The following PDZRN3 variants were observed in gnomAD, a reference collection of about 807,000 sequenced individuals.
The protein encoded by PDZRN3 is E3 ubiquitin-protein ligase PDZRN3.
A neutral mutation model predicts 85.7 loss-of-function variants in PDZRN3; 38 were observed. The observed-to-expected ratio is 0.44, with a 90% CI of 0.34 to 0.58. The LOEUF (loss-of-function observed/expected upper bound fraction) is 0.58, where lower values mean the gene tolerates loss of function less well. Ranked by LOEUF, PDZRN3 falls within the 20% of genes least tolerant of loss-of-function variation. The pLI is 0.01. For synonymous variants in PDZRN3, 759 were observed against 638.0 expected (o/e 1.19, Z -2.86); for missense variants, 1,629 against 1,506.4 (o/e 1.08, Z -1.35).
intron 3 of PDZRN3, among the ~76,000 whole-genome samples, chr3:73,483,851 A>G (rs895759872): frequency 1.3e-5 from 2 of 152,212 alleles, no homozygotes; most frequent in African/African-American, 4.8e-5. Flanking sequence ...TGTGTGAAAA[A>G]GGCTGTGAAG....
chr3:73,610,825 GA>G (rs1702673458), intron 1 of PDZRN3, among the ~76,000 whole-genome samples: 1 of 152,138 alleles, frequency 6.6e-6, no homozygotes, highest in Admixed American at 6.6e-5. Context: ...AAAAAAAGAA[GA>G]AGAAAATAAT....
chr3:73,624,117 G>A lies in PDZRN3; in HGVS notation c.709C>T (p.Pro237Ser). Residue 237 changes from proline to serine, a missense_variant, in exon 1 of 10, where the codon CCG (proline) becomes TCG (serine). Coordinates refer to ENST00000263666, the MANE Select transcript of PDZRN3 (RefSeq NM_015009.3). Reference sequence around the variant, plus strand: ...CAGGCGCCTACCTTGCCGCCGGGCGGCGCGGCCACGCAGCGGCTGAGCGAG... The same window carrying A: ...CAGGCGCCTACCTTGCCGCCGGGCGACGCGGCCACGCAGCGGCTGAGCGAG... ...LDSLSRCVAAPPGGKGEETKS... is the reference protein window; with the variant it reads ...LDSLSRCVAASPGGKGEETKS... 1 of 1,464,690 alleles carries A rather than the reference G, an allele frequency of 6.8e-7. No individual in the cohort carries two copies. The highest frequency in any genetic ancestry group is 9.0e-7 in the Non-Finnish European group (1 of 1,116,338). The allele number at this position is 1,464,690 out of a possible 1,614,324, so 90.7% of individuals were successfully genotyped here.
intron 3 of PDZRN3, among the ~76,000 whole-genome samples, chr3:73,415,955 G>C (rs1702072556): frequency 7.1e-6 from 1 of 141,572 alleles, no homozygotes; most frequent in Non-Finnish European, 1.5e-5. Flanking sequence ...CATTTGCCAA[G>C]AGAGTAGATT....
At chr3:73,437,894 C>A (rs1454871300) in intron 3 of PDZRN3, among the ~76,000 whole-genome samples, 1 of 152,100 alleles carries the variant, frequency 6.6e-6, no homozygotes, top group African/African-American at 2.4e-5. Flanking sequence ...ATCCCAGAGG[C>A]AGTGTAAGGG....
chr3:73,474,210 T>C (rs1703404605), intron 3 of PDZRN3, among the ~76,000 whole-genome samples: 1 of 152,188 alleles, frequency 6.6e-6, no homozygotes, highest in African/African-American at 2.4e-5. Flanking sequence ...TGCTATGGTT[T>C]TCACCAGCCT....
intron 3 of PDZRN3, among the ~76,000 whole-genome samples, chr3:73,416,891 T>TTTTTTTTTG (rs1702100060): frequency 7.2e-6 from 1 of 139,158 alleles, no homozygotes; most frequent in African/African-American, 2.8e-5. Flanking sequence ...TTTTTTTTTT[T>TTTTTTTTTG]TTTTTTTTTT....
chr3:73,541,399 A>G (rs1295341545), intron 3 of PDZRN3, among the ~76,000 whole-genome samples: 1 of 152,222 alleles, frequency 6.6e-6, no homozygotes, highest in Non-Finnish European at 1.5e-5. Context: ...TTCTTGATAC[A>G]TATTAATTCA....
At chr3:73,550,055 T>TA in intron 3 of PDZRN3, among the ~76,000 whole-genome samples, 1 of 152,334 alleles carries the variant, frequency 6.6e-6, no homozygotes, top group South Asian at 2.1e-4. Flanking sequence ...CATAATATTT[T>TA]AATATTTGTG....
intron 3 of PDZRN3, among the ~76,000 whole-genome samples, chr3:73,528,771 T>C (rs774613278): frequency 1.3e-4 from 20 of 152,158 alleles, no homozygotes; most frequent in Non-Finnish European, 2.8e-4. Context: ...AAAGAATTTC[T>C]TGTTGTACAC....
rs1702932540 is a variant in PDZRN3, at chr3:73,624,426, AGGCGTCGCGCATGTGCGCCTC to A, written c.379_399del (p.Glu127_Ala133del). 4.6e-6 allele frequency: 6 copies of A among 1,306,772 alleles called. No homozygotes were observed. In the East Asian group the frequency reaches 9.7e-5, roughly 21 times the overall value. The allele number at this position is 1,306,772 out of a possible 1,614,324, so 80.9% of individuals were successfully genotyped here. The stretch of plus-strand genomic sequence containing the variant: ...CAGCGGCCCACTGGCCGCGCGTCGC[AGGCGTCGCGCATGTGCGCCTC>A]CACGTCGCGCCGCAGCAGCACCTGG... On this transcript the variant is annotated inframe_deletion, in exon 1 of 10. Transcript: ENST00000263666.
chr3:73,610,784 C>A (rs768120442), intron 1 of PDZRN3, among the ~76,000 whole-genome samples: 57 of 152,104 alleles, frequency 3.7e-4, no homozygotes, highest in Non-Finnish European at 8.1e-4. Flanking sequence ...GATTGGTCTT[C>A]AATCTACTGT....
intron 3 of PDZRN3, among the ~76,000 whole-genome samples, chr3:73,476,178 T>A (rs1001994895): frequency 2.0e-5 from 3 of 152,268 alleles, no homozygotes; most frequent in Admixed American, 1.3e-4. Context: ...TGAGACCAGA[T>A]AATTTATAAA....
At chr3:73,574,602 G>A (rs1702094017) in intron 3 of PDZRN3, among the ~76,000 whole-genome samples, 1 of 152,038 alleles carries the variant, frequency 6.6e-6, no homozygotes, top group Non-Finnish European at 1.5e-5. Context: ...GGGATTACAG[G>A]AGCCTACCAC....
chr3:73,616,263 CTT>C (rs1253723757), intron 1 of PDZRN3, among the ~76,000 whole-genome samples: 1 of 152,206 alleles, frequency 6.6e-6, no homozygotes, highest in Admixed American at 6.5e-5. Context: ...AAACAAACCT[CTT>C]TCTTTACAAA....
At chr3:73,481,741 G>A (rs6787033) in intron 3 of PDZRN3, among the ~76,000 whole-genome samples, 92,055 of 152,088 alleles carry the variant, frequency 0.61, 28,260 homozygotes, top group East Asian at 0.87. Flanking sequence ...AAATGGAAAT[G>A]TTCAAATTTA....
chr3:73,624,838 GC>G lies in PDZRN3; in HGVS notation c.-14del. The G allele has an allele frequency of 7.8e-7, 1 of 1,285,680 alleles. No individual in the cohort carries two copies. Among genetic ancestry groups the G allele is most frequent in the Non-Finnish European group, 9.8e-7 (1 of 1,019,066 alleles). 79.6% of individuals were successfully genotyped at this position (1,285,680 alleles called of 1,614,324 possible). A position where few individuals can be genotyped will look rare whatever the true frequency, so the allele number is the denominator to read the frequency against. On this transcript the variant is annotated 5_prime_UTR_variant, in exon 1 of 10. Coordinates refer to ENST00000263666, the MANE Select transcript of PDZRN3 (RefSeq NM_015009.3). Reference sequence around the variant, plus strand: ...GCTCGAAGCCCATGGTGGCGGCCAGGCCCCGGGGTCGCCGCCGGGCGGCCGG... The same window carrying G: ...GCTCGAAGCCCATGGTGGCGGCCAGGCCCGGGGTCGCCGCCGGGCGGCCGG...
chr3:73,413,538 A>G (rs1259820508), intron 3 of PDZRN3, among the ~76,000 whole-genome samples: 1 of 152,218 alleles, frequency 6.6e-6, no homozygotes, highest in Non-Finnish European at 1.5e-5. Flanking sequence ...GAAGCTGAGC[A>G]GCTTCCTAAA....
chr3:73,419,741 G>A (rs962718515), intron 3 of PDZRN3, among the ~76,000 whole-genome samples: 2 of 152,148 alleles, frequency 1.3e-5, no homozygotes, highest in Non-Finnish European at 2.9e-5. Flanking sequence ...TATGTCCAGA[G>A]GACATTTCTG....
At chr3:73,514,160 T>G (rs933723779) in intron 3 of PDZRN3, among the ~76,000 whole-genome samples, 1 of 152,224 alleles carries the variant, frequency 6.6e-6, no homozygotes, top group East Asian at 1.9e-4. Flanking sequence ...GCTTTGATCA[T>G]GTTGAAAGGA....
Sources: gnomAD v4.1 joint callset for allele counts (sites outside exome capture counted in the v4.1 genomes callset) on GRCh38, gnomAD v4.1.1 for gene constraint, MANE v1.5 for transcripts, NCBI Gene and HGNC (gene_info 2026-07-23, HGNC 2026-07-21) for gene names.